PDSS2: variants seen among roughly 807,000 people sequenced by gnomAD.
PDSS2 encodes the protein decaprenyl diphosphate synthase subunit 2.
Under a neutral mutation model 44.5 loss-of-function variants are expected in PDSS2, and 31 were observed. The ratio of observed to expected loss-of-function variants is 0.70; its 90% CI spans 0.52 to 0.94. The LOEUF (loss-of-function observed/expected upper bound fraction) is 0.94, where lower values mean the gene tolerates loss of function less well. PDSS2 is among the 40% of genes least tolerant of loss of function. The pLI, the probability that PDSS2 is intolerant of heterozygous loss-of-function variation, is 0.00. For synonymous variants in PDSS2, 157 were observed against 180.3 expected (o/e 0.87, Z 1.03); for missense variants, 452 against 482.2 (o/e 0.94, Z 0.59).
At chr6:107,301,873 G>A (rs376426253) in intron 2 of PDSS2, among the ~76,000 whole-genome samples, 2 of 135,424 alleles carry the variant, frequency 1.5e-5, no homozygotes, top group African/African-American at 2.8e-5. Context: ...GCAGTGAGCC[G>A]AGATCACGCC....
At chr6:107,363,495 G>C (rs1047624135) in intron 1 of PDSS2, among the ~76,000 whole-genome samples, 1 of 151,936 alleles carries the variant, frequency 6.6e-6, no homozygotes, top group Non-Finnish European at 1.5e-5. Context: ...GGAGTTGTTC[G>C]TTCCATCCCG....
At chr6:107,412,841 C>T (rs1780547412) in intron 1 of PDSS2, among the ~76,000 whole-genome samples, 1 of 152,104 alleles carries the variant, frequency 6.6e-6, no homozygotes, top group South Asian at 2.1e-4. Flanking sequence ...TCTGAGTATA[C>T]AACATAAAGG....
intron 7 of PDSS2, among the ~76,000 whole-genome samples, chr6:107,159,825 G>A (rs1554246428): frequency 1.3e-5 from 2 of 152,150 alleles, no homozygotes. Flanking sequence ...GTAAATGTCT[G>A]CATGACTAGA....
chr6:107,372,322 ACT>A (rs1292364327), intron 1 of PDSS2, among the ~76,000 whole-genome samples: 1 of 152,114 alleles, frequency 6.6e-6, no homozygotes, highest in Non-Finnish European at 1.5e-5. Flanking sequence ...AAATCACAAG[ACT>A]CTGAAGTACA....
At chr6:107,201,429 T>C (rs1277297994) in intron 6 of PDSS2, among the ~76,000 whole-genome samples, 2 of 143,084 alleles carry the variant, frequency 1.4e-5, no homozygotes, top group African/African-American at 5.1e-5. Context: ...GCACTCTGAT[T>C]GAGAGGATGC....
chr6:107,264,856 A>G (rs557495809), intron 3 of PDSS2, among the ~76,000 whole-genome samples: 9 of 152,314 alleles, frequency 5.9e-5, no homozygotes, highest in African/African-American at 2.2e-4. Flanking sequence ...GATGTTCTAC[A>G]TGGACACAAT....
At chr6:107,372,054 A>G (rs748533282) in intron 1 of PDSS2, among the ~76,000 whole-genome samples, 16 of 152,226 alleles carry the variant, frequency 1.1e-4, no homozygotes, top group Non-Finnish European at 1.6e-4. Flanking sequence ...ACCATTTTAC[A>G]CAATAGAGAT....
chr6:107,458,412 C>CAAAAAAAAAAAAAAAAAAAAAAAAAAAA (rs60758453), intron 1 of PDSS2, among the ~76,000 whole-genome samples: 10 of 78,150 alleles, frequency 1.3e-4, no homozygotes, highest in African/African-American at 5.8e-4. Flanking sequence ...GACTCCGTCT[C>CAAAAAAAAAAAAAAAAAAAAAAAAAAAA]AAAAAAAAAA....
intron 2 of PDSS2, among the ~76,000 whole-genome samples, chr6:107,298,310 A>G (rs918369041): frequency 2.6e-5 from 4 of 152,192 alleles, no homozygotes; most frequent in Non-Finnish European, 4.4e-5. Flanking sequence ...CTTGTACTGA[A>G]CACGAGCAGA....
chr6:107,405,877 G>A (rs1056843958), intron 1 of PDSS2, among the ~76,000 whole-genome samples: 3 of 151,294 alleles, frequency 2.0e-5, no homozygotes, highest in African/African-American at 2.4e-5. Context: ...GATACAGAAT[G>A]GTGGAATAGA....
intron 1 of PDSS2, among the ~76,000 whole-genome samples, chr6:107,379,900 C>T (rs989008369): frequency 6.6e-6 from 1 of 151,970 alleles, no homozygotes; most frequent in South Asian, 2.1e-4. Context: ...TTGGTCTCAA[C>T]ATATTATATA....
At chr6:107,265,560 T>C (rs1329296270) in intron 3 of PDSS2, among the ~76,000 whole-genome samples, 1 of 152,242 alleles carries the variant, frequency 6.6e-6, no homozygotes, top group Admixed American at 6.5e-5. Flanking sequence ...TATGTTGCTA[T>C]TGTTGACAAA....
chr6:107,243,822 T>C lies in PDSS2; in HGVS notation c.702+1726A>G, dbSNP rs1002048725. Among the ~76,000 whole-genome samples, 7 of 152,306 alleles carry C rather than the reference T, an allele frequency of 4.6e-5. No homozygotes were observed. The South Asian group carries it at 1.0e-3, about 23-fold the overall frequency. On this transcript the variant is annotated intron_variant, in intron 4 of 7. Coordinates refer to ENST00000369037, the MANE Select transcript of PDSS2 (RefSeq NM_020381.4). ...TAACTGTTGCATTTTCCAAGACCACTGTGGTCTGCCATGCCCCCATCCTGG... is the reference window on the plus strand; with the variant it reads ...TAACTGTTGCATTTTCCAAGACCACCGTGGTCTGCCATGCCCCCATCCTGG...
chr6:107,436,549 A>C (rs1363406643), intron 1 of PDSS2, among the ~76,000 whole-genome samples: 1 of 152,216 alleles, frequency 6.6e-6, no homozygotes, highest in East Asian at 1.9e-4. Context: ...AAATATGTAC[A>C]CATGTAAAAG....
intron 7 of PDSS2, among the ~76,000 whole-genome samples, chr6:107,189,494 C>G (rs1431783308): frequency 6.6e-6 from 1 of 152,086 alleles, no homozygotes; most frequent in African/African-American, 2.4e-5. Context: ...CGTGCTACCA[C>G]ACCCGGCTAA....
chr6:107,376,782 C>T (rs1210948584), intron 1 of PDSS2, among the ~76,000 whole-genome samples: 2 of 152,106 alleles, frequency 1.3e-5, no homozygotes, highest in Non-Finnish European at 2.9e-5. Flanking sequence ...CTGGCCAGAA[C>T]TTCCAACACT....
chr6:107,382,609 G>A (rs1039009364), intron 1 of PDSS2, among the ~76,000 whole-genome samples: 1 of 152,128 alleles, frequency 6.6e-6, no homozygotes, highest in Non-Finnish European at 1.5e-5. Context: ...GACCAAGAAC[G>A]GGAGGATCAC....
intron 1 of PDSS2, among the ~76,000 whole-genome samples, chr6:107,364,622 T>A (rs1778905414): frequency 6.6e-6 from 1 of 152,036 alleles, no homozygotes; most frequent in Admixed American, 6.6e-5. Flanking sequence ...CGCTGGTGCC[T>A]CTCCCTCCAC....
chr6:107,348,677 A>T (rs932529245), intron 1 of PDSS2, among the ~76,000 whole-genome samples: 1 of 152,226 alleles, frequency 6.6e-6, no homozygotes, highest in South Asian at 2.1e-4. Context: ...AAATGTTTCC[A>T]TCAGTACAAA....
Sources: gnomAD v4.1 joint callset for allele counts (sites outside exome capture counted in the v4.1 genomes callset) on GRCh38, gnomAD v4.1.1 for gene constraint, MANE v1.5 for transcripts, NCBI Gene and HGNC (gene_info 2026-07-23, HGNC 2026-07-21) for gene names.